TYRP1: variants seen among roughly 807,000 people sequenced by gnomAD.
TYRP1 encodes the protein tyrosinase related protein 1, also known as 5,6-dihydroxyindole-2-carboxylic acid oxidase.
In TYRP1, 49 loss-of-function variants were observed where a neutral mutation model predicts 42.8. The observed-to-expected ratio is 1.14, with a 90% CI of 0.91 to 1.45. TYRP1 has a LOEUF of 1.45. Ranked by LOEUF, TYRP1 falls within the 40% of genes most tolerant of loss-of-function variation. The pLI is 0.00. For missense variants in TYRP1, 848 were observed against 662.0 expected (o/e 1.28, Z -3.08); for synonymous variants, 279 against 235.4 (o/e 1.19, Z -1.69).
intron 3 of TYRP1, among the ~76,000 whole-genome samples, chr9:12,697,879 G>T (rs1275548232): frequency 6.6e-6 from 1 of 152,122 alleles, no homozygotes; most frequent in Non-Finnish European, 1.5e-5. Flanking sequence ...CTAAGGCAGG[G>T]TTCCCTAAAT....
chr9:12,703,511 C>A (rs1345050171), intron 5 of TYRP1, among the ~76,000 whole-genome samples: 2 of 151,586 alleles, frequency 1.3e-5, no homozygotes, highest in East Asian at 3.9e-4. Flanking sequence ...TTCTTAATGC[C>A]CAATCAGAAG....
At position 12,704,666 on chromosome 9, in the gene TYRP1, G is replaced by C; in HGVS notation, c.1222G>C (p.Asp408His). 1 of 1,613,034 alleles carries C rather than the reference G, an allele frequency of 6.2e-7. No individual in the cohort carries two copies. The highest frequency in any genetic ancestry group is 8.5e-7 in the Non-Finnish European group (1 of 1,179,402). ...TTTTGTCCTCCTGCACACCTTCACA[G>C]ATGCAGTCTTTGATGAATGGCTGAG... The part of the protein sequence containing the change: ...PIFVLLHTFT[D>H]AVFDEWLRRY... The change falls in exon 6 of 8, where the codon GAT becomes CAT. Residue 408 changes from aspartate (D) to histidine (H), a missense_variant. Physicochemically the swap from Asp to His is moderately conservative, Grantham distance 81. Coordinates refer to ENST00000388918, the MANE Select transcript of TYRP1 (RefSeq NM_000550.3).
chr9:12,693,719 G>T (rs1818030282), intron 1 of TYRP1, among the ~76,000 whole-genome samples, 193 bp from the exon 2 acceptor site: 1 of 150,522 alleles, frequency 6.6e-6, no homozygotes, highest in Non-Finnish European at 1.5e-5. Flanking sequence ...TAATTATTTG[G>T]GTATCACACA....
intron 7 of TYRP1, 54 bp downstream of exon 7, chr9:12,708,197 A>C (rs1406652153): frequency 6.3e-7 from 1 of 1,594,448 alleles, no homozygotes; most frequent in Non-Finnish European, 8.6e-7. Context: ...CAAATGTGTT[A>C]TCTTTCAAGT....
At chr9:12,699,173 T>G (rs928541448) in intron 4 of TYRP1, among the ~76,000 whole-genome samples, 1 of 152,132 alleles carries the variant, frequency 6.6e-6, no homozygotes, top group African/African-American at 2.4e-5. Flanking sequence ...TACTGATGTC[T>G]GCCCCCTAGC....
intron 6 of TYRP1, among the ~76,000 whole-genome samples, chr9:12,706,018 T>C (rs1818252429): frequency 6.6e-6 from 1 of 152,046 alleles, no homozygotes; most frequent in Admixed American, 6.6e-5. Context: ...CCATACACCT[T>C]TAACAAATCT....
chr9:12,696,465 T>C (rs917805050), intron 3 of TYRP1, among the ~76,000 whole-genome samples: 4 of 152,144 alleles, frequency 2.6e-5, no homozygotes, highest in African/African-American at 9.7e-5. Flanking sequence ...TAGTAATCAC[T>C]TTACTATGTA....
Position 12,698,356 on chromosome 9 carries a change from G to C in TYRP1, c.709-95G>C, listed in dbSNP as rs1818110137. 4.1e-6 allele frequency: 5 copies of C among 1,211,304 alleles called. No homozygotes were observed. In the East Asian group the frequency reaches 1.2e-4, roughly 29 times the overall value. 75.0% of individuals were successfully genotyped at this position (1,211,304 alleles called of 1,614,324 possible). On this transcript the variant is annotated intron_variant, in intron 3 of 7. Coordinates refer to ENST00000388918, the MANE Select transcript of TYRP1 (RefSeq NM_000550.3). ...TAACCAGTACCTTATTGTCTGAAGA[G>C]AGCTAATAGAAATAGACTGTCAGAG... is the stretch of plus-strand genomic sequence containing the variant.
chr9:12,695,519 G>T lies in TYRP1; in HGVS notation c.390G>T (p.Arg130Ser). The T allele has an allele frequency of 6.2e-7, 1 of 1,614,040 alleles. No homozygotes were observed. Residue 130 changes from arginine to serine, a missense_variant, in exon 3 of 8, where the codon AGG becomes AGT. Arg to Ser is a moderately radical substitution (Grantham distance 110). Coordinates refer to ENST00000388918, the MANE Select transcript of TYRP1 (RefSeq NM_000550.3). ...AACDQRVLIV[R>S]RNLLDLSKEE... ...TTGAATTTTGTATCCCTAAAGTCAG[G>T]AGAAATCTTCTGGACTTAAGTAAAG...
rs192601128 is a variant in TYRP1, at chr9:12,695,001, T to C, written c.386-514T>C. ...TGAGTCCTTACTATGAGTTAGGCCT[T>C]GGGCTAATTGCTTTTTATGTGTGTG... is the stretch of plus-strand genomic sequence containing the variant. On this transcript the variant is annotated intron_variant, in intron 2 of 7. Coordinates refer to ENST00000388918, the MANE Select transcript of TYRP1 (RefSeq NM_000550.3). Among the ~76,000 whole-genome samples, 63 of 152,308 alleles carry C rather than the reference T, an allele frequency of 4.1e-4. No homozygotes were observed. The East Asian group carries it at 0.012, about 29-fold the overall frequency.
chr9:12,702,606 AAAAG>A (rs972759324), intron 5 of TYRP1, among the ~76,000 whole-genome samples, 168 bp downstream of exon 5: 1 of 152,076 alleles, frequency 6.6e-6, no homozygotes, highest in African/African-American at 2.4e-5. Context: ...AACTTTCTTA[AAAAG>A]AAGAGTCAAC....
intron 2 of TYRP1, among the ~76,000 whole-genome samples, chr9:12,694,941 G>A (rs953601223): frequency 3.3e-5 from 5 of 152,130 alleles, no homozygotes; most frequent in Admixed American, 6.6e-5. Context: ...TTCTATGTGC[G>A]AGATAGTAGA....
intron 3 of TYRP1, among the ~76,000 whole-genome samples, chr9:12,697,774 TA>T (rs1016610007): frequency 3.3e-5 from 5 of 152,182 alleles, no homozygotes; most frequent in Non-Finnish European, 5.9e-5. Flanking sequence ...GTCTCTGATC[TA>T]AAAAACAATG....
chr9:12,693,690 A>C (rs1385698424), intron 1 of TYRP1, among the ~76,000 whole-genome samples: 1 of 151,350 alleles, frequency 6.6e-6, no homozygotes, highest in Non-Finnish European at 1.5e-5. Flanking sequence ...TATAAACAAA[A>C]TGACGAGGAC....
chr9:12,706,016 C>G (rs1318792889), intron 6 of TYRP1, among the ~76,000 whole-genome samples: 3 of 151,964 alleles, frequency 2.0e-5, no homozygotes, highest in Non-Finnish European at 4.4e-5. Context: ...AGCCATACAC[C>G]TTTAACAAAT....
intron 3 of TYRP1, among the ~76,000 whole-genome samples, chr9:12,697,432 G>A (rs1294652624): frequency 6.6e-6 from 1 of 152,066 alleles, no homozygotes; most frequent in African/African-American, 2.4e-5. Context: ...CCACAATGAT[G>A]GCTTCTAAAG....
At position 12,694,582 on chromosome 9, in the gene TYRP1, A is replaced by T; in HGVS notation, c.385+201A>T. The T allele has an allele frequency of 4.6e-6, 3 of 646,238 alleles. No individual in the cohort carries two copies. The South Asian group carries it at 5.9e-5, about 13-fold the overall frequency. 40.0% of individuals were successfully genotyped at this position (646,238 alleles called of 1,614,324 possible). On this transcript the variant is annotated intron_variant, in intron 2 of 7. Transcript: ENST00000388918. The stretch of plus-strand genomic sequence containing the variant: ...TTGGAGTTGAAGCTCAGAACTTCTG[A>T]TCAATATTTTATTCTGAAACATTTA...
intron 4 of TYRP1, among the ~76,000 whole-genome samples, chr9:12,699,123 A>G (rs1316553800): frequency 6.6e-6 from 1 of 152,146 alleles, no homozygotes; most frequent in Non-Finnish European, 1.5e-5. Flanking sequence ...AGAAAACAAA[A>G]GCTGATATGG....
rs1818314783 is a variant in TYRP1 at position 12,709,192 on chromosome 9, T to C, written c.*10T>C. The C allele has an allele frequency of 6.2e-7, 1 of 1,610,920 alleles. No homozygotes were observed. Among genetic ancestry groups the C allele is most frequent in the Non-Finnish European group, 8.5e-7 (1 of 1,177,604 alleles). ...TCAGTCTGTGGTCTAACAAATGCCC[T>C]ACTCTCTTATGCATTAGTATCACAA... On this transcript the variant is annotated 3_prime_UTR_variant, in exon 8 of 8. Transcript: ENST00000388918.
Sources: allele counts gnomAD v4.1 joint callset (sites outside exome capture counted in the v4.1 genomes callset), GRCh38; gene constraint gnomAD v4.1.1; transcripts MANE v1.5; gene names NCBI Gene and HGNC (gene_info 2026-07-23, HGNC 2026-07-21).